The following SUPT3H variants were observed in gnomAD, a reference collection of about 807,000 sequenced individuals.
SUPT3H encodes the protein SPT3 homolog, SAGA and STAGA complex component.
Under a neutral mutation model 44.3 loss-of-function variants are expected in SUPT3H, and 44 were observed. The ratio of observed to expected loss-of-function variants is 0.99; its 90% CI spans 0.78 to 1.28. The LOEUF (loss-of-function observed/expected upper bound fraction) is 1.28, where lower values mean the gene tolerates loss of function less well. Ranked by LOEUF, SUPT3H falls within the 50% of genes most tolerant of loss-of-function variation. SUPT3H has a pLI of 0.00. For missense variants in SUPT3H, 380 were observed against 387.1 expected (o/e 0.98, Z 0.15); for synonymous variants, 124 against 125.6 (o/e 0.99, Z 0.09).
intron 2 of SUPT3H, among the ~76,000 whole-genome samples, chr6:45,176,128 G>A (rs1811774557): frequency 6.6e-6 from 1 of 152,066 alleles, no homozygotes; most frequent in Non-Finnish European, 1.5e-5. Context: ...GAGCGACGCA[G>A]AAGACGGGTG....
chr6:45,184,582 A>T (rs1813843598), intron 2 of SUPT3H, among the ~76,000 whole-genome samples: 2 of 152,030 alleles, frequency 1.3e-5, no homozygotes, highest in Admixed American at 1.3e-4. Context: ...CAACTAAAAA[A>T]CCCAAAACAC....
chr6:45,184,584 C>A (rs1314150624), intron 2 of SUPT3H, among the ~76,000 whole-genome samples: 1 of 151,770 alleles, frequency 6.6e-6, no homozygotes, highest in East Asian at 1.9e-4. Context: ...ACTAAAAAAC[C>A]CAAAACACAA....
chr6:45,129,150 A>C (rs1803010409), intron 2 of SUPT3H, among the ~76,000 whole-genome samples: 1 of 152,236 alleles, frequency 6.6e-6, no homozygotes, highest in Admixed American at 6.5e-5. Context: ...TTTATAGAGC[A>C]GAAAACCATT....
At chr6:45,133,920 T>C (rs532899361) in intron 2 of SUPT3H, among the ~76,000 whole-genome samples, 17 of 152,150 alleles carry the variant, frequency 1.1e-4, no homozygotes, top group African/African-American at 4.1e-4. Context: ...AACTGAAGAT[T>C]TGGATCCCTG....
chr6:44,853,956 CTGG>C (rs1269407066), intron 10 of SUPT3H, among the ~76,000 whole-genome samples: 2 of 151,202 alleles, frequency 1.3e-5, no homozygotes, highest in East Asian at 3.9e-4. Flanking sequence ...CCTGCATCAG[CTGG>C]TTCTCAATTG....
chr6:44,851,863 C>A (rs1033084099), intron 10 of SUPT3H, among the ~76,000 whole-genome samples: 4 of 152,120 alleles, frequency 2.6e-5, no homozygotes, highest in Non-Finnish European at 4.4e-5. Flanking sequence ...TCCTACTGAA[C>A]ACTGTTTCTA....
intron 10 of SUPT3H, among the ~76,000 whole-genome samples, chr6:44,877,329 C>T (rs553427551): frequency 6.2e-4 from 94 of 152,128 alleles, no homozygotes; most frequent in African/African-American, 2.1e-3. Context: ...ATTAGCCAGG[C>T]GTGGTGGCGC....
At chr6:45,299,933 C>A (rs1315680611) in intron 2 of SUPT3H, among the ~76,000 whole-genome samples, 1 of 149,340 alleles carries the variant, frequency 6.7e-6, no homozygotes, top group African/African-American at 2.5e-5. Context: ...CTTTTATATG[C>A]GTATTATATA....
chr6:45,303,689 A>G (rs200364511), intron 2 of SUPT3H, among the ~76,000 whole-genome samples: 18,438 of 149,622 alleles, frequency 0.12, 1,363 homozygotes, highest in East Asian at 0.25. Flanking sequence ...AAAAAAAAAA[A>G]AAAGAAACAA....
chr6:44,952,655 C>T (rs1340222578), intron 9 of SUPT3H, among the ~76,000 whole-genome samples: 1 of 152,212 alleles, frequency 6.6e-6, no homozygotes, highest in Non-Finnish European at 1.5e-5. Context: ...TTGGCAAATA[C>T]ATTCAAGACA....
chr6:45,079,299 G>A (rs946539523), intron 3 of SUPT3H, among the ~76,000 whole-genome samples: 1 of 151,938 alleles, frequency 6.6e-6, no homozygotes. Flanking sequence ...GCCAGAGTGA[G>A]ACTCCACAAA....
intron 11 of SUPT3H, among the ~76,000 whole-genome samples, chr6:44,811,737 T>C (rs143363133): frequency 1.4e-3 from 206 of 152,342 alleles, no homozygotes; most frequent in African/African-American, 4.8e-3. Context: ...CACTCAGTGG[T>C]GGGCCTGCCA....
chr6:44,990,395 C>T (rs1056200534), intron 6 of SUPT3H, among the ~76,000 whole-genome samples: 26 of 151,888 alleles, frequency 1.7e-4, no homozygotes, highest in African/African-American at 5.3e-4. Flanking sequence ...GGAGGTGGGG[C>T]CTGGTAGGAG....
intron 3 of SUPT3H, among the ~76,000 whole-genome samples, chr6:45,050,887 T>TA (rs1298573280): frequency 7.0e-6 from 1 of 142,332 alleles, no homozygotes; most frequent in Admixed American, 7.0e-5. Context: ...GATTTTTTTT[T>TA]TTTTTTTTTT....
intron 2 of SUPT3H, among the ~76,000 whole-genome samples, chr6:45,254,451 T>C (rs1184743079): frequency 6.6e-6 from 1 of 152,146 alleles, no homozygotes; most frequent in African/African-American, 2.4e-5. Flanking sequence ...TGTTAATCAG[T>C]AATGAGATAA....
chr6:45,017,562 G>A (rs1174667782), intron 4 of SUPT3H, among the ~76,000 whole-genome samples: 30 of 152,070 alleles, frequency 2.0e-4, no homozygotes, highest in African/African-American at 5.8e-4. Flanking sequence ...CTTTCTACAT[G>A]TGGCTAGCCA....
At chr6:45,004,079 A>G (rs1052022271) in intron 5 of SUPT3H, among the ~76,000 whole-genome samples, 2 of 152,186 alleles carry the variant, frequency 1.3e-5, no homozygotes, top group Admixed American at 1.3e-4. Context: ...TGGTGTGCTC[A>G]GATTTGGAAA....
chr6:44,902,408 A>ACC (rs1302455854), intron 10 of SUPT3H, among the ~76,000 whole-genome samples: 15 of 152,176 alleles, frequency 9.9e-5, no homozygotes, highest in Non-Finnish European at 1.9e-4. Context: ...CAGACTTTAA[A>ACC]ATTACAAAGA....
chr6:45,146,592 A>G (rs1479128176), intron 2 of SUPT3H, among the ~76,000 whole-genome samples: 1 of 152,194 alleles, frequency 6.6e-6, no homozygotes, highest in Non-Finnish European at 1.5e-5. Context: ...AAAATAAAAT[A>G]GATATTTTGT....
Sources: allele counts gnomAD v4.1 joint callset (sites outside exome capture counted in the v4.1 genomes callset), GRCh38; gene constraint gnomAD v4.1.1; transcripts MANE v1.5; gene names NCBI Gene and HGNC (gene_info 2026-07-23, HGNC 2026-07-21).